FLT3LG: variants seen among roughly 807,000 people sequenced by gnomAD.
FLT3LG encodes fms-related tyrosine kinase 3 ligand.
A neutral mutation model predicts 30.9 loss-of-function variants in FLT3LG; 8 were observed. The ratio of observed to expected loss-of-function variants is 0.26; its 90% CI spans 0.15 to 0.47. The LOEUF (loss-of-function observed/expected upper bound fraction) is 0.47. Ranked by LOEUF, FLT3LG falls within the 20% of genes least tolerant of loss-of-function variation. The pLI, the probability that FLT3LG is intolerant of heterozygous loss-of-function variation, is 0.99. For missense variants in FLT3LG, 278 were observed against 306.2 expected (o/e 0.91, Z 0.69); for synonymous variants, 123 against 135.9 (o/e 0.91, Z 0.66).
intron 8 of FLT3LG, among the ~76,000 whole-genome samples, chr19:49,484,621 T>C (rs1462598303): frequency 1.3e-5 from 2 of 151,946 alleles, no homozygotes; most frequent in East Asian, 2.0e-4. Context: ...CTCAGCCTCC[T>C]GAGTAGCTGG....
chr19:49,480,257 A>G, intron 6 of FLT3LG, 41 bp from the exon 7 acceptor site: 1 of 1,450,876 alleles, frequency 6.9e-7, no homozygotes, highest in Non-Finnish European at 9.4e-7. Context: ...TCCTTACCCC[A>G]GCCCTTCTCC....
chr19:49,474,344 G>A (rs895602936), intron 1 of FLT3LG, 63 bp downstream of exon 1: 12 of 558,652 alleles, frequency 2.1e-5, no homozygotes, highest in Admixed American at 6.6e-5. Context: ...CACTCCTGGG[G>A]CAGGGGGAGC....
intron 2 of FLT3LG, 81 bp from the exon 3 acceptor site, chr19:49,475,610 G>C: frequency 6.5e-7 from 1 of 1,528,752 alleles, no homozygotes; most frequent in Non-Finnish European, 8.7e-7. Context: ...GGGGAAGACA[G>C]AACAGTACAG....
At chr19:49,475,046 A>G in intron 2 of FLT3LG, among the ~76,000 whole-genome samples, 1 of 96,738 alleles carries the variant, frequency 1.0e-5, no homozygotes. Context: ...GAAGGGGGAG[A>G]TGGACAGAGG....
At chr19:49,479,108 C>G in intron 6 of FLT3LG, 61 bp downstream of exon 6, 1 of 1,474,126 alleles carries the variant, frequency 6.8e-7, no homozygotes, top group Non-Finnish European at 9.2e-7. Flanking sequence ...CTCCTCCTCT[C>G]TGCACAGTGC....
chr19:49,479,091 A>G (rs1344900519), intron 6 of FLT3LG, 44 bp downstream of exon 6: 1 of 1,566,574 alleles, frequency 6.4e-7, no homozygotes, highest in Non-Finnish European at 8.7e-7. Flanking sequence ...TCCTGTCCTC[A>G]CGGCCGCTCC....
At chr19:49,482,996 T>C (rs2079666715) in intron 8 of FLT3LG, among the ~76,000 whole-genome samples, 2 of 152,198 alleles carry the variant, frequency 1.3e-5, no homozygotes, top group African/African-American at 4.8e-5. Flanking sequence ...AATGTTGTTA[T>C]TTCAACATGT....
In FLT3LG at chr19:49,480,416, C is replaced by T. The variant is rs1042120; in HGVS notation, c.600C>T (p.Ala200=). The change falls in exon 7 of 9, where the codon GCC becomes GCT. Residue 200 remains alanine (A), a synonymous_variant. Transcript: ENST00000597551. ...TGCCCGTGGGCCTCCTGCTGCTGGC[C>T]GCTGCCTGGTGCCTGCACTGGCAGA... ...LLLPVGLLLL[A]AAWCLHWQRT... 175,284 of 1,605,112 alleles carry T rather than the reference C, an allele frequency of 0.11. 13,478 individuals carry two copies. Among genetic ancestry groups the T allele is most frequent in the African/African-American group, 0.4 (29,936 of 74,762 alleles).
In FLT3LG at chr19:49,476,211, G is replaced by T; in HGVS notation, c.198+13G>T. ...CAACCTGCAGGACGTAAGTCATGTTGGGAGGGACCTGGGATGGAGGTGGGG... is the reference window on the plus strand; with the variant it reads ...CAACCTGCAGGACGTAAGTCATGTTTGGAGGGACCTGGGATGGAGGTGGGG... On this transcript the variant is annotated intron_variant, in intron 4 of 8. Transcript: ENST00000597551. The surrounding 1 kb of genome is among the most constrained non-coding windows in gnomAD (Gnocchi z 5.3). 1 of 1,606,296 alleles carries T rather than the reference G, an allele frequency of 6.2e-7. No individual in the cohort carries two copies. Among genetic ancestry groups the T allele is most frequent in the Non-Finnish European group, 8.5e-7 (1 of 1,174,464 alleles).
rs2079741118 is a variant in FLT3LG, at chr19:49,484,674, T to C, written c.*22-1341T>C. Among the ~76,000 whole-genome samples, 3 of 152,010 alleles carry C rather than the reference T, an allele frequency of 2.0e-5. No homozygotes were observed. The South Asian group carries it at 6.2e-4, about 32-fold the overall frequency. On this transcript the variant is annotated intron_variant, in intron 8 of 8. Transcript: ENST00000597551. ...ACCACACCTGGCTAATTTTTGTATT[T>C]TTAGTAGAGATGGGGTTTCACCATA...
At position 49,476,741 on chromosome 19, in the gene FLT3LG, C is replaced by T. The variant is rs1020469879; in HGVS notation, c.342+175C>T. 1.5e-5 allele frequency: 12 copies of T among 788,960 alleles called. No individual in the cohort carries two copies. The highest frequency in any genetic ancestry group is 2.0e-5 in the Non-Finnish European group (10 of 509,384). The allele number at this position is 788,960 out of a possible 1,614,324, so 48.9% of individuals were successfully genotyped here. A position where few individuals can be genotyped will look rare whatever the true frequency, so the allele number is the denominator to read the frequency against. On this transcript the variant is annotated intron_variant, in intron 5 of 8. Transcript: ENST00000597551. This position sits in a 1 kb window ranked among gnomAD's most constrained non-coding sequence, Gnocchi z 5.3. Reference sequence around the variant, plus strand: ...TACAGAACAACACGTCCCCAGGCACCGGTGATGGGGAGCAGTCTGGTCCCA... The same window carrying T: ...TACAGAACAACACGTCCCCAGGCACTGGTGATGGGGAGCAGTCTGGTCCCA...
At chr19:49,480,911 A>T (rs2079584148) in intron 8 of FLT3LG, 1 of 329,832 alleles carries the variant, frequency 3.0e-6, no homozygotes. Context: ...GTGTGCCTGT[A>T]ATCCCAGCTA....
rs538461445 is a variant in FLT3LG, at chr19:49,477,184, T to C, written c.342+618T>C. ...GGCTGGGTGCAGTGGCTCACACCTG[T>C]AATCCCAGCACTTTCGGAGGCCAAG... On this transcript the variant is annotated intron_variant, in intron 5 of 8. Transcript: ENST00000597551. Among the ~76,000 whole-genome samples, 97 of 152,226 alleles carry C rather than the reference T, an allele frequency of 6.4e-4. 1 individual carries two copies. Among genetic ancestry groups the C allele is most frequent in the South Asian group, 5.0e-3 (24 of 4,832 alleles).
intron 6 of FLT3LG, among the ~76,000 whole-genome samples, 183 bp from the exon 7 acceptor site, chr19:49,480,115 T>G (rs1176283177): frequency 2.0e-5 from 3 of 152,198 alleles, no homozygotes; most frequent in Non-Finnish European, 4.4e-5. Context: ...ATTCACTCAT[T>G]TAATTTGTGA....
At position 49,483,489 on chromosome 19, in the gene FLT3LG, C is replaced by T. The variant is rs142297496; in HGVS notation, c.*22-2526C>T. Among the ~76,000 whole-genome samples, 690 of 152,166 alleles carry T rather than the reference C, an allele frequency of 4.5e-3. 2 individuals are homozygous for T. The highest frequency in any genetic ancestry group is 0.016 in the African/African-American group (667 of 41,500). On this transcript the variant is annotated intron_variant, in intron 8 of 8. Transcript: ENST00000597551. ...GAAATTTACAGTTGCCAAAAGTAGA[C>T]TCACATAGTCAAGTTGTTCAAAACA...
chr19:49,474,929 CGGGGAGATGGACAGAGGAG>C (rs1179054425), intron 2 of FLT3LG, among the ~76,000 whole-genome samples: 8 of 58,394 alleles, frequency 1.4e-4, no homozygotes, highest in Admixed American at 3.8e-4. Flanking sequence ...TGGACAGGAG[CGGGGAGATGGACAGAGGAG>C]GGGGAGATGG....
chr19:49,482,317 G>A (rs2079642150), intron 8 of FLT3LG: 1 of 151,150 alleles, frequency 6.6e-6, no homozygotes, highest in Admixed American at 6.6e-5. Context: ...GTAGAGACGG[G>A]GTTTCACCAT....
chr19:49,480,694 G>C, intron 8 of FLT3LG, 74 bp downstream of exon 8: 1 of 1,480,816 alleles, frequency 6.8e-7, no homozygotes, highest in Non-Finnish European at 9.2e-7. Flanking sequence ...GGCCATGGAA[G>C]GGTGGTGAGC....
intron 5 of FLT3LG, among the ~76,000 whole-genome samples, chr19:49,477,272 C>T (rs9653117): frequency 0.18 from 27,435 of 151,960 alleles, 3,752 homozygotes; most frequent in African/African-American, 0.38. Context: ...GAAACCTCAT[C>T]TCTGCACAAA....
Sources: gnomAD v4.1 joint callset for allele counts (sites outside exome capture counted in the v4.1 genomes callset) on GRCh38, gnomAD v4.1.1 for gene constraint, Gnocchi (gnomAD v3.1) non-coding constraint, MANE v1.5 for transcripts, NCBI Gene and HGNC (gene_info 2026-07-23, HGNC 2026-07-21) for gene names.